The following SYT17 variants were observed in gnomAD, a reference collection of about 807,000 sequenced individuals.
SYT17 encodes synaptotagmin 17.
SYT17 carries 22 observed loss-of-function variants against 46.7 expected under a neutral mutation model. The ratio of observed to expected loss-of-function variants is 0.47; its 90% CI spans 0.34 to 0.67. The LOEUF is 0.67. Ranked by LOEUF, SYT17 falls within the 30% of genes least tolerant of loss-of-function variation. The pLI is 0.01. For synonymous variants in SYT17, 251 were observed against 248.4 expected (o/e 1.01, Z -0.10); for missense variants, 519 against 612.8 (o/e 0.85, Z 1.62).
At position 19,179,110 on chromosome 16, in the gene SYT17, A is replaced by G. The variant is rs183613777; in HGVS notation, c.183-1281A>G. Among the ~76,000 whole-genome samples the G allele has an allele frequency of 2.9e-3, 434 of 152,180 alleles. 2 individuals carry two copies. The highest frequency in any genetic ancestry group is 4.5e-3 in the Non-Finnish European group (305 of 68,010). On this transcript the variant is annotated intron_variant, in intron 3 of 7. Transcript: ENST00000355377. ...GTATTGAGCAGCTGTTTACTACGCA[A>G]CCAAGCACTGTTCTAAGCATTTTAT...
At chr16:19,206,615 C>T (rs229011) in intron 5 of SYT17, among the ~76,000 whole-genome samples, 99,802 of 151,950 alleles carry the variant, frequency 0.66, 34,011 homozygotes, top group African/African-American at 0.81. Flanking sequence ...TCCTTGCAGA[C>T]CTCTACAGGA....
intron 5 of SYT17, among the ~76,000 whole-genome samples, chr16:19,209,810 G>A (rs909927100): frequency 2.6e-5 from 4 of 151,966 alleles, no homozygotes; most frequent in Admixed American, 6.6e-5. Flanking sequence ...CCCGGGAGGC[G>A]GAACTTGCAG....
intron 7 of SYT17, among the ~76,000 whole-genome samples, chr16:19,232,224 G>C (rs903848302): frequency 4.6e-5 from 7 of 151,564 alleles, no homozygotes; most frequent in African/African-American, 1.5e-4. Flanking sequence ...GTGCAGGACA[G>C]CTATGGAATA....
At chr16:19,180,322 C>T in intron 3 of SYT17, 69 bp from the exon 4 acceptor site, 1 of 1,580,616 alleles carries the variant, frequency 6.3e-7, no homozygotes. Context: ...GGTCTTAACC[C>T]CCAAGGGACA....
At chr16:19,180,127 A>T in intron 3 of SYT17, 1 of 417,418 alleles carries the variant, frequency 2.4e-6, no homozygotes, top group Non-Finnish European at 4.4e-6. Context: ...ACAGCTCTCC[A>T]CCCAACCCCA....
intron 7 of SYT17, among the ~76,000 whole-genome samples, chr16:19,249,302 A>ATAAATAAATAAATAAATAAG (rs1967851468): frequency 6.7e-6 from 1 of 150,114 alleles, no homozygotes; most frequent in Non-Finnish European, 1.5e-5. Flanking sequence ...AAATAAATAA[A>ATAAATAAATAAATAAATAAG]TAAATAAGTA....
intron 4 of SYT17, among the ~76,000 whole-genome samples, chr16:19,182,164 C>T (rs970251965): frequency 7.2e-5 from 11 of 152,142 alleles, no homozygotes; most frequent in African/African-American, 2.2e-4. Context: ...CCTGTAATCC[C>T]AGCACTTTGG....
intron 5 of SYT17, among the ~76,000 whole-genome samples, chr16:19,222,182 T>C (rs922516083): frequency 2.0e-5 from 3 of 152,218 alleles, no homozygotes; most frequent in African/African-American, 4.8e-5. Context: ...AGTCAGAATA[T>C]AGGTGAAATA....
intron 7 of SYT17, among the ~76,000 whole-genome samples, chr16:19,228,466 T>C (rs1966573343): frequency 6.6e-6 from 1 of 152,212 alleles, no homozygotes; most frequent in Non-Finnish European, 1.5e-5. Context: ...TTCTCAACCC[T>C]GGCTGTACCT....
At chr16:19,173,670 G>A (rs972328219) in intron 3 of SYT17, 92 bp downstream of exon 3, 3 of 1,383,482 alleles carry the variant, frequency 2.2e-6, no homozygotes, top group Non-Finnish European at 2.9e-6. Flanking sequence ...GCCACGGGAG[G>A]GAGGATTTGG....
chr16:19,263,173 T>C (rs1032081914), intron 7 of SYT17, among the ~76,000 whole-genome samples: 4 of 152,090 alleles, frequency 2.6e-5, no homozygotes, highest in African/African-American at 9.7e-5. Flanking sequence ...CCAACACCAC[T>C]ATCTAATTCC....
chr16:19,197,846 G>A (rs1456813725), intron 5 of SYT17, among the ~76,000 whole-genome samples: 1 of 152,206 alleles, frequency 6.6e-6, no homozygotes, highest in Admixed American at 6.5e-5. Context: ...TGAGTGACTT[G>A]TCCAATGTCA....
chr16:19,232,261 G>GT (rs3214133), intron 7 of SYT17, among the ~76,000 whole-genome samples: 50,450 of 151,788 alleles, frequency 0.33, 10,439 homozygotes, highest in African/African-American at 0.58. Flanking sequence ...GGCAATGACA[G>GT]ACACGCCTCA....
At chr16:19,203,130 A>G (rs1407473651) in intron 5 of SYT17, among the ~76,000 whole-genome samples, 1 of 152,150 alleles carries the variant, frequency 6.6e-6, no homozygotes, top group Admixed American at 6.5e-5. Context: ...CTTTACTGTC[A>G]TATATTATGA....
chr16:19,203,068 A>G (rs1169252683), intron 5 of SYT17, among the ~76,000 whole-genome samples: 1 of 152,094 alleles, frequency 6.6e-6, no homozygotes, highest in Non-Finnish European at 1.5e-5. Context: ...TCTGCCACCT[A>G]CTTACAATGT....
intron 7 of SYT17, among the ~76,000 whole-genome samples, chr16:19,232,184 G>A (rs1596991196): frequency 6.6e-6 from 1 of 152,320 alleles, no homozygotes; most frequent in African/African-American, 2.4e-5. Context: ...CCAGGGCATA[G>A]GCTTAGAGGG....
At chr16:19,249,943 T>A (rs1967918989) in intron 7 of SYT17, 2 of 1,535,584 alleles carry the variant, frequency 1.3e-6, no homozygotes, top group East Asian at 4.9e-5. Flanking sequence ...TGCTCTAGGA[T>A]CCAACAGCCC....
intron 5 of SYT17, among the ~76,000 whole-genome samples, chr16:19,220,388 C>G (rs575936950): frequency 1.4e-5 from 2 of 146,802 alleles, no homozygotes; most frequent in South Asian, 4.3e-4. Context: ...CTGCAACCTC[C>G]GCCTCCTGGA....
At position 19,183,390 on chromosome 16, in the gene SYT17, A is replaced by G; in HGVS notation, c.332-138A>G. The G allele has an allele frequency of 1.6e-6, 2 of 1,219,662 alleles. No individual in the cohort carries two copies. Among genetic ancestry groups the G allele is most frequent in the Non-Finnish European group, 1.1e-6 (1 of 876,058 alleles). The allele number at this position is 1,219,662 out of a possible 1,614,324, so 75.6% of individuals were successfully genotyped here. A position where few individuals can be genotyped will look rare whatever the true frequency, so the allele number is the denominator to read the frequency against. ...CAAACTATCTGTCACAGAATCAGTG[A>G]GTATTTCAGAGTGTGGAGAAAGATG... On this transcript the variant is annotated intron_variant, in intron 4 of 7. Coordinates refer to ENST00000355377, the MANE Select transcript of SYT17 (RefSeq NM_016524.4). The surrounding 1 kb of genome is among the most constrained non-coding windows in gnomAD (Gnocchi z 5.6).
Sources: allele counts gnomAD v4.1 joint callset (sites outside exome capture counted in the v4.1 genomes callset), GRCh38; gene constraint gnomAD v4.1.1; non-coding constraint Gnocchi (gnomAD v3.1); transcripts MANE v1.5; gene names NCBI Gene and HGNC (gene_info 2026-07-23, HGNC 2026-07-21).